Variants in DPP6 observed in about 807,000 individuals in gnomAD.
DPP6 encodes dipeptidyl peptidase like 6, also known as A-type potassium channel modulatory protein DPP6.
A neutral mutation model predicts 122.6 loss-of-function variants in DPP6; 69 were observed. The ratio of observed to expected loss-of-function variants is 0.56; its 90% confidence interval spans 0.46 to 0.69. The LOEUF (loss-of-function observed/expected upper bound fraction) is 0.69. DPP6 is among the 30% of genes least tolerant of loss of function. DPP6 has a pLI of 0.00. For synonymous variants in DPP6, 418 were observed against 433.1 expected (o/e 0.97, Z 0.43); for missense variants, 928 against 1,116.9 (o/e 0.83, Z 2.41).
the DPP6 span, among the ~76,000 whole-genome samples, chr7:153,791,686 C>A: frequency 3.9e-5 from 6 of 152,066 alleles, no homozygotes; most frequent in African/African-American, 1.4e-4. Flanking sequence ...TCCCAAGGTG[C>A]TGGGATTACA....
chr7:154,257,333 A>G (rs1276697109), intron 1 of DPP6, among the ~76,000 whole-genome samples: 1 of 151,754 alleles, frequency 6.6e-6, no homozygotes, highest in African/African-American at 2.4e-5. Context: ...CCCCATCAGC[A>G]TCTTCTCATC....
chr7:153,999,990 A>C (rs1188046891), intron 1 of DPP6, among the ~76,000 whole-genome samples: 3 of 151,712 alleles, frequency 2.0e-5, no homozygotes, highest in South Asian at 2.1e-4. Flanking sequence ...GAAAAAAAAA[A>C]CTCAAGCTCC....
intron 1 of DPP6, among the ~76,000 whole-genome samples, chr7:154,177,965 T>C (rs941820480): frequency 5.3e-5 from 8 of 152,046 alleles, no homozygotes; most frequent in Admixed American, 1.3e-4. Context: ...GGCAGGAACA[T>C]TGTGGCCCTG....
intron 5 of DPP6, among the ~76,000 whole-genome samples, chr7:154,573,398 G>C (rs1311884038): frequency 1.3e-5 from 2 of 152,178 alleles, no homozygotes; most frequent in Non-Finnish European, 2.9e-5. Context: ...CAGGAGGCGA[G>C]TCTCACCTTC....
intron 1 of DPP6, among the ~76,000 whole-genome samples, chr7:154,005,026 G>A (rs1563093328): frequency 6.6e-6 from 1 of 151,928 alleles, no homozygotes; most frequent in Non-Finnish European, 1.5e-5. Context: ...TTGAAAATGA[G>A]GGTACAATCA....
the DPP6 span, among the ~76,000 whole-genome samples, chr7:153,749,152 G>A: frequency 1.3e-5 from 2 of 152,152 alleles, no homozygotes; most frequent in African/African-American, 2.4e-5. The surrounding 1 kb of genome is among the most constrained non-coding windows in gnomAD (Gnocchi z 4.1). Flanking sequence ...TGCAGGGGTC[G>A]GTGACTGAGG....
intron 1 of DPP6, among the ~76,000 whole-genome samples, chr7:154,121,618 T>C (rs367892957): frequency 4.6e-5 from 7 of 152,360 alleles, no homozygotes; most frequent in African/African-American, 1.2e-4. Context: ...AAATTCATTC[T>C]GTTGTGATCA....
At chr7:154,678,734 T>C (rs1185018341) in intron 7 of DPP6, among the ~76,000 whole-genome samples, 2 of 152,218 alleles carry the variant, frequency 1.3e-5, no homozygotes, top group Non-Finnish European at 2.9e-5. Flanking sequence ...AAAGGGTCAT[T>C]AGTAACAAAA....
chr7:154,003,488 G>A (rs1276417674), intron 1 of DPP6, among the ~76,000 whole-genome samples: 1 of 152,222 alleles, frequency 6.6e-6, no homozygotes, highest in South Asian at 2.1e-4. Context: ...AGAGTCCTGT[G>A]ATTCTTTGGG....
At chr7:154,041,842 T>A (rs1799782636) in intron 1 of DPP6, among the ~76,000 whole-genome samples, 1 of 152,012 alleles carries the variant, frequency 6.6e-6, no homozygotes, top group South Asian at 2.1e-4. Flanking sequence ...CACTGCAACC[T>A]CTGACTCCCT....
intron 5 of DPP6, among the ~76,000 whole-genome samples, chr7:154,599,877 G>A (rs1833331373): frequency 6.6e-6 from 1 of 152,050 alleles, no homozygotes; most frequent in South Asian, 2.1e-4. Flanking sequence ...AGGCACACAT[G>A]CACCGAGTAA....
rs1000404045 is a variant in DPP6 at position 154,091,399 on chromosome 7, T to A, written c.243+38336T>A. On this transcript the variant is annotated intron_variant, in intron 1 of 25. Coordinates refer to ENST00000377770, the MANE Select transcript of DPP6 (RefSeq NM_130797.4). ...GAGCAGACTTATAGCTTCTCATAGC[T>A]GGGCATATTTCTATTTCCTGGGTTA... 2.6e-5 allele frequency among the ~76,000 whole-genome samples: 4 copies of A among 152,338 alleles called. No homozygotes were observed. The East Asian group carries it at 7.7e-4, about 29-fold the overall frequency.
rs140146311 is a variant in DPP6, at chr7:154,214,225, G to A, written c.243+161162G>A. On this transcript the variant is annotated intron_variant, in intron 1 of 25. Transcript: ENST00000377770. ...GGGGATTTCAAGACCAAAGGCTCTC[G>A]AAAATTTCAGCAACCCAATTTATTC... 3.3e-4 allele frequency among the ~76,000 whole-genome samples: 51 copies of A among 152,312 alleles called. 1 individual carries two copies. In the East Asian group the frequency reaches 8.3e-3, roughly 25 times the overall value.
chr7:154,431,534 C>A (rs1246093569), intron 1 of DPP6, among the ~76,000 whole-genome samples: 1 of 98,898 alleles, frequency 1.0e-5, no homozygotes, highest in African/African-American at 3.8e-5. Context: ...TTCTTTCTTT[C>A]TTTTTTTTTT....
chr7:154,822,058 T>C (rs1483597933), intron 16 of DPP6, among the ~76,000 whole-genome samples: 1 of 152,112 alleles, frequency 6.6e-6, no homozygotes, highest in African/African-American at 2.4e-5. Flanking sequence ...TCATAAACTT[T>C]CTCTGGTCAC....
At chr7:154,611,281 G>A (rs1021098319) in intron 5 of DPP6, among the ~76,000 whole-genome samples, 2 of 152,128 alleles carry the variant, frequency 1.3e-5, no homozygotes, top group South Asian at 2.1e-4. Context: ...TGCTTGTTAC[G>A]TACGAACACA....
At position 154,892,338 on chromosome 7, in the gene DPP6, A is replaced by T; in HGVS notation, c.2456A>T (p.Tyr819Phe). Reference protein sequence around the residue: ...RGKANYSLQIYPDESHYFTSS... With the variant: ...RGKANYSLQIFPDESHYFTSS... ...TTCTCCGTGCCTTCCTTGCAGATTT[A>T]CCCGGACGAAAGCCATTACTTTACC... The change falls in exon 26 of 26, where the codon TAC becomes TTC. Residue 819 changes from tyrosine to phenylalanine, a missense_variant. Coordinates refer to ENST00000377770, the MANE Select transcript of DPP6 (RefSeq NM_130797.4). 6.2e-7 allele frequency: 1 copy of T among 1,613,910 alleles called. No individual in the cohort carries two copies. The highest frequency in any genetic ancestry group is 1.1e-5 in the South Asian group (1 of 91,074).
At chr7:153,852,243 G>A in the DPP6 span, among the ~76,000 whole-genome samples, 42 of 152,214 alleles carry the variant, frequency 2.8e-4, 1 homozygote, top group South Asian at 1.5e-3. Context: ...AGACTGTTGC[G>A]TTGCTCTAAA....
intron 16 of DPP6, among the ~76,000 whole-genome samples, chr7:154,808,621 G>A (rs1400632419): frequency 6.6e-6 from 1 of 152,122 alleles, no homozygotes; most frequent in Non-Finnish European, 1.5e-5. Flanking sequence ...GACACAGAGA[G>A]GGCCAGCATC....
Sources: gnomAD v4.1 joint callset for allele counts (sites outside exome capture counted in the v4.1 genomes callset) on GRCh38, gnomAD v4.1.1 for gene constraint, Gnocchi (gnomAD v3.1) non-coding constraint, MANE v1.5 for transcripts, NCBI Gene and HGNC (gene_info 2026-07-23, HGNC 2026-07-21) for gene names.